Variants in PTPRD observed in about 807,000 individuals in gnomAD.
PTPRD encodes the protein receptor-type tyrosine-protein phosphatase delta.
Under a neutral mutation model 214.5 loss-of-function variants are expected in PTPRD, and 34 were observed. The observed-to-expected ratio is 0.16, with a 90% confidence interval of 0.12 to 0.21. The LOEUF is 0.21. Ranked by LOEUF, PTPRD falls within the 10% of genes least tolerant of loss-of-function variation. PTPRD has a pLI of 1.00. For missense variants in PTPRD, 2,545 were observed against 2,398.7 expected (o/e 1.06, Z -1.27); for synonymous variants, 1,128 against 845.7 (o/e 1.33, Z -5.79).
intron 8 of PTPRD, among the ~76,000 whole-genome samples, chr9:9,500,814 G>A (rs1247020691): frequency 6.6e-6 from 1 of 151,952 alleles, no homozygotes. Context: ...TGTTTTGGGA[G>A]GGTGTTACAA....
intron 11 of PTPRD, among the ~76,000 whole-genome samples, chr9:8,964,203 T>TG (rs2099175908): frequency 7.0e-6 from 1 of 143,600 alleles, no homozygotes; most frequent in African/African-American, 2.6e-5. Context: ...TTTTTTTTTT[T>TG]TTTTTTTTTT....
At chr9:9,716,600 G>T (rs1271669579) in intron 7 of PTPRD, among the ~76,000 whole-genome samples, 1 of 152,154 alleles carries the variant, frequency 6.6e-6, no homozygotes, top group Non-Finnish European at 1.5e-5. Flanking sequence ...TTCTCTGATG[G>T]CCAGTGATGG....
chr9:9,239,554 T>G (rs1439425275), intron 9 of PTPRD, among the ~76,000 whole-genome samples: 2 of 152,116 alleles, frequency 1.3e-5, no homozygotes, highest in Non-Finnish European at 2.9e-5. Context: ...CTTGCCTGAT[T>G]TATTGGTGGA....
intron 10 of PTPRD, among the ~76,000 whole-genome samples, chr9:9,048,821 T>C (rs1019943631): frequency 5.3e-5 from 8 of 152,106 alleles, no homozygotes; most frequent in African/African-American, 1.7e-4. Flanking sequence ...GTAATAGAAT[T>C]GTTTGTAACA....
chr9:9,522,226 C>A (rs900153545), intron 8 of PTPRD, among the ~76,000 whole-genome samples: 2 of 148,634 alleles, frequency 1.3e-5, no homozygotes, highest in Non-Finnish European at 3.0e-5. Context: ...AAGTTGACAA[C>A]CTTTAATTTA....
rs544193875 is a variant in PTPRD, at chr9:9,195,919, A to C, written c.-202-12556T>G. On this transcript the variant is annotated intron_variant, in intron 9 of 45. Coordinates refer to ENST00000381196, the MANE Select transcript of PTPRD (RefSeq NM_002839.4). ...ATACAAAGGCTACATAAATGCTGATATTTAGAAAATATTTTAAAAATCTGA... is the reference window on the plus strand; with the variant it reads ...ATACAAAGGCTACATAAATGCTGATCTTTAGAAAATATTTTAAAAATCTGA... Among the ~76,000 whole-genome samples, 4 of 152,270 alleles carry C rather than the reference A, an allele frequency of 2.6e-5. No individual in the cohort carries two copies. In the South Asian group the frequency reaches 8.3e-4, roughly 32 times the overall value.
chr9:8,354,357 T>C (rs777382654), intron 39 of PTPRD, among the ~76,000 whole-genome samples: 1 of 152,148 alleles, frequency 6.6e-6, no homozygotes, highest in African/African-American at 2.4e-5. Context: ...CTATCTACCA[T>C]GACTGGTAAT....
At chr9:9,478,427 TA>T (rs2095222026) in intron 8 of PTPRD, among the ~76,000 whole-genome samples, 1 of 152,210 alleles carries the variant, frequency 6.6e-6, no homozygotes, top group African/African-American at 2.4e-5. Context: ...TTGAGCCCAT[TA>T]AATGTGAGGC....
intron 2 of PTPRD, among the ~76,000 whole-genome samples, chr9:10,603,122 A>G (rs562186826): frequency 6.6e-6 from 1 of 151,940 alleles, no homozygotes; most frequent in South Asian, 2.1e-4. Context: ...GAACTGAATG[A>G]ATTAATCTTC....
At chr9:10,140,212 T>A (rs1258003660) in intron 3 of PTPRD, among the ~76,000 whole-genome samples, 1 of 151,612 alleles carries the variant, frequency 6.6e-6, no homozygotes, top group Non-Finnish European at 1.5e-5. Context: ...CCAGAATCTA[T>A]AAGAAATGTA....
chr9:8,953,635 TTAAA>T, intron 11 of PTPRD, among the ~76,000 whole-genome samples: 1 of 151,832 alleles, frequency 6.6e-6, no homozygotes, highest in East Asian at 1.9e-4. Flanking sequence ...TATAAGGAAC[TTAAA>T]TAAATCAAAA....
intron 5 of PTPRD, among the ~76,000 whole-genome samples, chr9:9,904,834 CAG>C (rs1222410168): frequency 3.3e-5 from 5 of 152,008 alleles, no homozygotes; most frequent in Admixed American, 1.3e-4. Context: ...AGATCAAACT[CAG>C]AGAAATCGTA....
chr9:10,314,408 T>C (rs2096364507), intron 3 of PTPRD, among the ~76,000 whole-genome samples: 1 of 151,924 alleles, frequency 6.6e-6, no homozygotes, highest in South Asian at 2.1e-4. Context: ...ATTTTGAATC[T>C]TGATGAAAAG....
At chr9:8,331,268 G>A (rs1329456216) in intron 44 of PTPRD, among the ~76,000 whole-genome samples, 1 of 152,126 alleles carries the variant, frequency 6.6e-6, no homozygotes, top group Non-Finnish European at 1.5e-5. Flanking sequence ...AAGCAAATAT[G>A]AAATGATTAA....
chr9:9,052,511 T>C (rs943594673), intron 10 of PTPRD, among the ~76,000 whole-genome samples: 5 of 152,132 alleles, frequency 3.3e-5, no homozygotes, highest in African/African-American at 4.8e-5. Context: ...AGTAAAACTA[T>C]AGGGTCATAA....
At chr9:9,369,730 T>A (rs1366664323) in intron 9 of PTPRD, among the ~76,000 whole-genome samples, 1 of 152,214 alleles carries the variant, frequency 6.6e-6, no homozygotes, top group East Asian at 1.9e-4. Flanking sequence ...CTTCTAGGAT[T>A]TTTATGGTTT....
chr9:8,951,138 A>AGTTTGTGT (rs1555583280), intron 11 of PTPRD, among the ~76,000 whole-genome samples: 1 of 147,124 alleles, frequency 6.8e-6, no homozygotes, highest in Non-Finnish European at 1.5e-5. Context: ...TAGGAAAAAG[A>AGTTTGTGT]GTGTGTGTGT....
At chr9:10,127,727 T>G (rs1563988263) in intron 3 of PTPRD, among the ~76,000 whole-genome samples, 1 of 152,192 alleles carries the variant, frequency 6.6e-6, no homozygotes, top group Non-Finnish European at 1.5e-5. Flanking sequence ...TTCCCACTTG[T>G]GCCACCCCAA....
intron 3 of PTPRD, among the ~76,000 whole-genome samples, chr9:10,054,147 G>C (rs575101956): frequency 1.3e-5 from 2 of 152,136 alleles, no homozygotes; most frequent in Admixed American, 6.5e-5. Flanking sequence ...TTTAAAACTA[G>C]TCAGAATCAT....
Sources: allele counts gnomAD v4.1 joint callset (sites outside exome capture counted in the v4.1 genomes callset), GRCh38; gene constraint gnomAD v4.1.1; transcripts MANE v1.5; gene names NCBI Gene and HGNC (gene_info 2026-07-23, HGNC 2026-07-21).